DTWD2: variants seen among roughly 807,000 people sequenced by gnomAD.
DTWD2 encodes tRNA-uridine aminocarboxypropyltransferase 2.
DTWD2 carries 39 observed loss-of-function variants against 31.8 expected under a neutral mutation model. The ratio of observed to expected loss-of-function variants is 1.22; its 90% CI spans 0.95 to 1.60. The LOEUF is 1.60. Among genes scored for constraint, DTWD2 ranks in the 40% most tolerant of loss-of-function variants. DTWD2 has a pLI of 0.00. For missense variants in DTWD2, 515 were observed against 381.5 expected (o/e 1.35, Z -2.92); for synonymous variants, 180 against 142.8 (o/e 1.26, Z -1.86).
Position 118,973,511 on chromosome 5 carries a change from T to C in DTWD2, c.218+14783A>G, listed in dbSNP as rs182795196. On this transcript the variant is annotated intron_variant, in intron 1 of 5. Coordinates refer to ENST00000510708, the MANE Select transcript of DTWD2 (RefSeq NM_173666.4). ...AAGGATTTTATTGCTCCTTCACTTA[T>C]GAAGCTTAGTTTGGCTGGAGATGAA... 7.6e-3 allele frequency among the ~76,000 whole-genome samples: 1,163 copies of C among 152,342 alleles called. 18 individuals carry two copies. Among genetic ancestry groups the C allele is most frequent in the African/African-American group, 0.026 (1,095 of 41,564 alleles).
At chr5:118,864,507 T>C (rs1230779248) in intron 4 of DTWD2, among the ~76,000 whole-genome samples, 5 of 148,520 alleles carry the variant, frequency 3.4e-5, no homozygotes, top group Admixed American at 6.7e-5. Flanking sequence ...ATTGTGCACA[T>C]GTACCCTAAA....
intron 4 of DTWD2, among the ~76,000 whole-genome samples, chr5:118,916,943 TAATTAC>T (rs1213660043): frequency 6.6e-6 from 1 of 152,146 alleles, no homozygotes; most frequent in Non-Finnish European, 1.5e-5. Flanking sequence ...GAACTACAAC[TAATTAC>T]AATTATACTC....
chr5:118,973,655 G>A (rs1036674275), intron 1 of DTWD2: 6 of 816,342 alleles, frequency 7.3e-6, no homozygotes, highest in South Asian at 3.0e-5. Flanking sequence ...CTCCTTGCTC[G>A]CGGCAGCCTC....
intron 2 of DTWD2, among the ~76,000 whole-genome samples, chr5:118,940,457 G>A (rs1489897137): frequency 6.6e-6 from 1 of 152,120 alleles, no homozygotes; most frequent in Non-Finnish European, 1.5e-5. Context: ...GTACTCCCCA[G>A]TACCACATCC....
rs139699637 is a variant in DTWD2, at chr5:118,857,689, T to G, written c.598-9471A>C. Among the ~76,000 whole-genome samples, 35 of 152,308 alleles carry G rather than the reference T, an allele frequency of 2.3e-4. No individual in the cohort carries two copies. In the Middle Eastern group the frequency reaches 0.01, roughly 44 times the overall value. ...TTTTCATATTGTGTTTAAGGAATCT[T>G]AAACACCAAAGTCACCTAAAAGAAA... On this transcript the variant is annotated intron_variant, in intron 4 of 5. Coordinates refer to ENST00000510708, the MANE Select transcript of DTWD2 (RefSeq NM_173666.4).
intron 1 of DTWD2, among the ~76,000 whole-genome samples, chr5:118,984,403 G>T (rs1401255314): frequency 2.0e-5 from 3 of 151,718 alleles, no homozygotes; most frequent in Non-Finnish European, 4.4e-5. Context: ...AGAGGTTGCA[G>T]TGAGCTGAGA....
At chr5:118,958,730 C>T (rs1419826394) in intron 1 of DTWD2, among the ~76,000 whole-genome samples, 1 of 152,034 alleles carries the variant, frequency 6.6e-6, no homozygotes, top group Non-Finnish European at 1.5e-5. Context: ...TCCAGCAGCA[C>T]ATCAAAAACA....
At chr5:118,851,855 A>G (rs979708798) in intron 4 of DTWD2, among the ~76,000 whole-genome samples, 2 of 151,180 alleles carry the variant, frequency 1.3e-5, no homozygotes, top group African/African-American at 4.9e-5. Context: ...AAAAAAAAAG[A>G]AAAAAGAAAA....
chr5:118,955,856 T>C (rs1429051555), intron 1 of DTWD2, among the ~76,000 whole-genome samples: 2 of 151,794 alleles, frequency 1.3e-5, no homozygotes, highest in African/African-American at 4.8e-5. Flanking sequence ...AGGCAAAAAA[T>C]ATCACATAAC....
intron 4 of DTWD2, among the ~76,000 whole-genome samples, chr5:118,911,108 T>C (rs1753448956): frequency 6.6e-6 from 1 of 151,990 alleles, no homozygotes; most frequent in Non-Finnish European, 1.5e-5. Flanking sequence ...AAGGAACTTA[T>C]ATAACTCAAT....
chr5:118,890,556 G>GT (rs1752956162), intron 4 of DTWD2, among the ~76,000 whole-genome samples: 1 of 121,546 alleles, frequency 8.2e-6, no homozygotes, highest in African/African-American at 3.0e-5. Context: ...GGGCTTTTAG[G>GT]TTTTCCTTTT....
intron 1 of DTWD2, among the ~76,000 whole-genome samples, chr5:118,986,405 G>C (rs1395433721): frequency 1.3e-5 from 2 of 152,128 alleles, no homozygotes; most frequent in African/African-American, 4.8e-5. Flanking sequence ...TAATGAGCAA[G>C]ATTCTGCTGA....
chr5:118,968,474 G>A (rs954885131), intron 1 of DTWD2, among the ~76,000 whole-genome samples: 2 of 152,164 alleles, frequency 1.3e-5, no homozygotes, highest in South Asian at 4.1e-4. Context: ...CTAGGTGGAT[G>A]GCTAAACCCA....
chr5:118,876,855 G>A (rs774767195), intron 4 of DTWD2, among the ~76,000 whole-genome samples: 7 of 152,140 alleles, frequency 4.6e-5, no homozygotes, highest in Admixed American at 1.3e-4. Flanking sequence ...GAGGAGGAGG[G>A]ACTCCTCCCA....
At chr5:118,905,169 A>T (rs1753300673) in intron 4 of DTWD2, among the ~76,000 whole-genome samples, 1 of 152,158 alleles carries the variant, frequency 6.6e-6, no homozygotes, top group Admixed American at 6.5e-5. Context: ...ACACTACATT[A>T]CCCACATTTG....
intron 1 of DTWD2, among the ~76,000 whole-genome samples, chr5:118,972,883 C>G (rs1414082836): frequency 1.3e-5 from 2 of 152,144 alleles, no homozygotes; most frequent in Non-Finnish European, 2.9e-5. Flanking sequence ...CCACATGATT[C>G]TAAGGCCTTG....
chr5:118,848,196 G>C lies in DTWD2; in HGVS notation c.620C>G (p.Ser207Cys). ...CTGCATCCGAATTACATACTGACTA[G>C]AAATGCTAGTTTTTAATTGCACCTG... ...PKQVQLKTSI[S>C]SQYVIRMQPT... The change falls in exon 5 of 6, where the codon TCT (serine) becomes TGT (cysteine). Residue 207 changes from serine (S) to cysteine (C), a missense_variant. Physicochemically the swap from Ser to Cys is moderately radical, Grantham distance 112. Transcript: ENST00000510708. The C allele has an allele frequency of 6.2e-7, 1 of 1,601,218 alleles. No homozygotes were observed. Among genetic ancestry groups the C allele is most frequent in the Non-Finnish European group, 8.5e-7 (1 of 1,175,004 alleles).
intron 4 of DTWD2, among the ~76,000 whole-genome samples, chr5:118,850,344 T>C (rs1422847254): frequency 6.9e-6 from 1 of 145,682 alleles, no homozygotes; most frequent in Non-Finnish European, 1.5e-5. Context: ...CCAGGTGTGG[T>C]GCATGCGCCT....
intron 2 of DTWD2, among the ~76,000 whole-genome samples, chr5:118,940,789 C>T (rs544702732): frequency 6.6e-6 from 1 of 152,294 alleles, no homozygotes; most frequent in Admixed American, 6.5e-5. Flanking sequence ...CTCCACAGCC[C>T]TTAAGTACTG....
Sources: allele counts gnomAD v4.1 joint callset (sites outside exome capture counted in the v4.1 genomes callset), GRCh38; gene constraint gnomAD v4.1.1; transcripts MANE v1.5; gene names NCBI Gene and HGNC (gene_info 2026-07-23, HGNC 2026-07-21).